The following MZT2A variants were observed in gnomAD, a reference collection of about 807,000 sequenced individuals.
MZT2A encodes mitotic spindle organizing protein 2A.
MZT2A carries 8 observed loss-of-function variants against 12.4 expected under a neutral mutation model. The ratio of observed to expected loss-of-function variants is 0.64; its 90% CI spans 0.38 to 1.16. The LOEUF (loss-of-function observed/expected upper bound fraction) is 1.16, where lower values mean the gene tolerates loss of function less well. MZT2A is among the 50% of genes most tolerant of loss of function. The pLI, the probability that MZT2A is intolerant of heterozygous loss-of-function variation, is 0.01. For synonymous variants in MZT2A, 88 were observed against 107.5 expected, an observed-to-expected ratio of 0.82 and a Z score of 1.12; for missense variants, 181 against 223.6, an observed-to-expected ratio of 0.81 and a Z score of 1.22.
At chr2:131,473,616 T>C (rs1187048052) in intron 2 of MZT2A, among the ~76,000 whole-genome samples, 1 of 145,806 alleles carries the variant, frequency 6.9e-6, no homozygotes, top group Non-Finnish European at 1.5e-5. Flanking sequence ...GATGGAAGAA[T>C]CAAACTGGGA....
At chr2:131,492,785 G>GT, upstream of MZT2A, 1 of 1,354,882 alleles carries the variant, frequency 7.4e-7, no homozygotes, top group Non-Finnish European at 9.7e-7. Context: ...GCTCTTCGGG[G>GT]GGGGTGGGGG....
At chr2:131,483,580 G>C (rs1243219775), downstream of MZT2A, among the ~76,000 whole-genome samples, 1 of 143,110 alleles carries the variant, frequency 7.0e-6, no homozygotes, top group African/African-American at 3.0e-5. Context: ...GCCGGGTGTG[G>C]TGGTGGGCAC....
At chr2:131,482,893 G>A (rs773815400), downstream of MZT2A, 4 of 1,585,110 alleles carry the variant, frequency 2.5e-6, no homozygotes, top group South Asian at 3.5e-5. Flanking sequence ...CGGGATGGCT[G>A]CTTCCAAGTT....
At chr2:131,475,384 C>T (rs1217474923) in intron 2 of MZT2A, among the ~76,000 whole-genome samples, 1 of 130,424 alleles carries the variant, frequency 7.7e-6, no homozygotes, top group East Asian at 2.9e-4. Context: ...CTGGAGTGTG[C>T]AGTGGCCCAA....
chr2:131,487,232 T>G (rs1319438667), intron 2 of MZT2A, among the ~76,000 whole-genome samples: 1 of 152,118 alleles, frequency 6.6e-6, no homozygotes, highest in Admixed American at 6.5e-5. Context: ...GTAATTCCAG[T>G]GCTTTGGGAG....
chr2:131,473,857 A>C (rs1373463054), intron 2 of MZT2A, among the ~76,000 whole-genome samples: 1 of 143,202 alleles, frequency 7.0e-6, no homozygotes, highest in Admixed American at 6.7e-5. Context: ...TGTTGTCCAT[A>C]AACCCACTCC....
At chr2:131,492,954 T>G (rs1679410853), upstream of MZT2A, 3 of 1,522,814 alleles carry the variant, frequency 2.0e-6, no homozygotes, top group Non-Finnish European at 2.7e-6. Flanking sequence ...TTCCCCTCCC[T>G]GGCCGGCCGG....
At chr2:131,490,335 C>T in intron 2 of MZT2A, 2 of 1,041,548 alleles carry the variant, frequency 1.9e-6, no homozygotes, top group Non-Finnish European at 2.4e-6. Context: ...GACTTCCTGT[C>T]CAGGTAGGGG....
rs535110575 is a variant in MZT2A, at chr2:131,472,152, C to T, written c.311G>A (p.Arg104His). The T allele has an allele frequency of 2.5e-4, 323 of 1,289,128 alleles. 1 individual carries two copies. In the African/African-American group the frequency reaches 4.3e-3, roughly 17 times the overall value. 79.9% of individuals were successfully genotyped at this position (1,289,128 alleles called of 1,614,324 possible). The change falls in exon 3 of 5, where the codon CGC (arginine) becomes CAC (histidine). Residue 104 changes from arginine to histidine, a missense_variant and NMD_transcript_variant. Transcript: ENST00000427024. ...GCTGCTGTGTGAAATCTTGTTGAGGCGCCGCCTTGTCCTCAAGTTGTCACT... is the reference window on the plus strand; with the variant it reads ...GCTGCTGTGTGAAATCTTGTTGAGGTGCCGCCTTGTCCTCAAGTTGTCACT...
At chr2:131,484,279 T>C (rs1279938382) in intron 2 of MZT2A, 61 bp from the exon 3 acceptor site, 1 of 1,588,596 alleles carries the variant, frequency 6.3e-7, no homozygotes, top group African/African-American at 1.3e-5. Flanking sequence ...CAGCACCTGC[T>C]GTACTCGTGC....
chr2:131,479,485 T>C, downstream of MZT2A: 1 of 1,606,360 alleles, frequency 6.2e-7, no homozygotes, highest in Non-Finnish European at 8.5e-7. Context: ...ATGTGGCCAT[T>C]TTCTTGCATG....
intron 2 of MZT2A, among the ~76,000 whole-genome samples, chr2:131,485,719 C>T (rs1679026669): frequency 6.6e-6 from 1 of 152,164 alleles, no homozygotes; most frequent in Non-Finnish European, 1.5e-5. Flanking sequence ...AATCCTGGTC[C>T]TTCCCTGGCC....
intron 2 of MZT2A, chr2:131,478,180 T>G (rs760926055): frequency 3.7e-6 from 6 of 1,613,696 alleles, no homozygotes; most frequent in South Asian, 1.1e-5. Context: ...TGTATCTCTA[T>G]CCACGTGGGG....
Position 131,491,769 on chromosome 2 carries a change from A to G in MZT2A, c.319+107T>C, listed in dbSNP as rs1415976483. 2 of 1,432,276 alleles carry G rather than the reference A, an allele frequency of 1.4e-6. 1 individual carries two copies. Among genetic ancestry groups the G allele is most frequent in the Admixed American group, 4.4e-5 (2 of 45,508 alleles). 88.7% of individuals were successfully genotyped at this position (1,432,276 alleles called of 1,614,324 possible). On this transcript the variant is annotated intron_variant, in intron 2 of 2. Transcript: ENST00000309451. Reference sequence around the variant, plus strand: ...GCAGGTGCTGGGCCTAGACCGACCGACAGACAGGCCTGGCCACTCAGGGCC... The same window carrying G: ...GCAGGTGCTGGGCCTAGACCGACCGGCAGACAGGCCTGGCCACTCAGGGCC...
intron 3 of MZT2A, among the ~76,000 whole-genome samples, chr2:131,470,742 T>C (rs1243657354): frequency 7.1e-6 from 1 of 141,460 alleles, no homozygotes; most frequent in African/African-American, 3.2e-5. Context: ...AAAAAATACA[T>C]AGACAAAGTG....
At chr2:131,481,426 G>A (rs1678861612), downstream of MZT2A, among the ~76,000 whole-genome samples, 1 of 143,342 alleles carries the variant, frequency 7.0e-6, no homozygotes, top group African/African-American at 2.7e-5. Context: ...GCAACACCAT[G>A]CCCGGGTAAT....
chr2:131,479,397 G>C (rs759681054), downstream of MZT2A: 1 of 1,614,158 alleles, frequency 6.2e-7, no homozygotes, highest in Non-Finnish European at 8.5e-7. Flanking sequence ...TTACGCCAGG[G>C]GCCATTACAC....
intron 2 of MZT2A, among the ~76,000 whole-genome samples, chr2:131,472,713 C>T (rs1487085716): frequency 6.6e-6 from 1 of 152,198 alleles, no homozygotes; most frequent in Non-Finnish European, 1.5e-5. Flanking sequence ...GTAGGCTGCA[C>T]CACCTTGGTT....
intron 2 of MZT2A, among the ~76,000 whole-genome samples, chr2:131,477,708 T>TG (rs918217815): frequency 6.6e-6 from 1 of 150,962 alleles, no homozygotes; most frequent in Admixed American, 6.6e-5. Flanking sequence ...GGGGTAGAAC[T>TG]GGGGGGTAGA....
Sources: gnomAD v4.1 joint callset for allele counts (sites outside exome capture counted in the v4.1 genomes callset) on GRCh38, gnomAD v4.1.1 for gene constraint, MANE v1.5 for transcripts, NCBI Gene and HGNC (gene_info 2026-07-23, HGNC 2026-07-21) for gene names.